The following TENM4 variants were observed in gnomAD, a reference collection of about 807,000 sequenced individuals.
The protein encoded by TENM4 is teneurin-4.
A neutral mutation model predicts 243.3 loss-of-function variants in TENM4; 82 were observed. The observed-to-expected ratio is 0.34, with a 90% CI of 0.28 to 0.40. The LOEUF (loss-of-function observed/expected upper bound fraction) is 0.40, where lower values mean the gene tolerates loss of function less well. TENM4 is among the 10% of genes least tolerant of loss of function. The pLI is 1.00. For missense variants in TENM4, 3,138 were observed against 3,673.3 expected (o/e 0.85, Z 3.77); for synonymous variants, 1,412 against 1,456.3 (o/e 0.97, Z 0.69).
chr11:79,304,396 C>T (rs918119004), intron 1 of TENM4, among the ~76,000 whole-genome samples: 9 of 152,150 alleles, frequency 5.9e-5, no homozygotes, highest in African/African-American at 2.2e-4. Context: ...AGCTGAGTTG[C>T]TTGCATTGCC....
At chr11:79,398,162 T>C (rs1036322554) in intron 1 of TENM4, among the ~76,000 whole-genome samples, 25 of 152,136 alleles carry the variant, frequency 1.6e-4, no homozygotes, top group Admixed American at 3.3e-4. Flanking sequence ...ACACATTCTG[T>C]GCTTTACTTT....
chr11:79,001,582 G>A (rs201876116), intron 6 of TENM4, among the ~76,000 whole-genome samples: 2 of 152,192 alleles, frequency 1.3e-5, no homozygotes, highest in Non-Finnish European at 2.9e-5. Context: ...TTTGGTGCAG[G>A]AACATCTGCA....
intron 2 of TENM4, among the ~76,000 whole-genome samples, chr11:79,230,968 ACCGGACTC>A (rs2135260581): frequency 6.6e-6 from 1 of 152,302 alleles, no homozygotes; most frequent in African/African-American, 2.4e-5. Flanking sequence ...CTGTCAGCCC[ACCGGACTC>A]ACTGGGGTTG....
chr11:79,423,479 C>G (rs1282820088), intron 1 of TENM4, among the ~76,000 whole-genome samples: 1 of 150,702 alleles, frequency 6.6e-6, no homozygotes, highest in Non-Finnish European at 1.5e-5. Context: ...ATGAAATATT[C>G]AACTGCATTT....
chr11:78,717,619 T>C (rs894804543), intron 25 of TENM4, among the ~76,000 whole-genome samples: 3 of 152,246 alleles, frequency 2.0e-5, no homozygotes, highest in African/African-American at 4.8e-5. Flanking sequence ...CCTCTGAGCA[T>C]AGTGCCTGTT....
At chr11:79,291,375 T>C (rs1856354119) in intron 2 of TENM4, among the ~76,000 whole-genome samples, 1 of 152,160 alleles carries the variant, frequency 6.6e-6, no homozygotes, top group African/African-American at 2.4e-5. Context: ...ATTCAAAACA[T>C]TTAATAATTG....
chr11:79,272,850 T>C (rs752567695), intron 2 of TENM4, among the ~76,000 whole-genome samples: 11 of 152,186 alleles, frequency 7.2e-5, no homozygotes, highest in Non-Finnish European at 1.5e-4. Context: ...TTCTTGGACT[T>C]TAACTCCATC....
At chr11:78,794,935 C>T (rs1286500731) in intron 15 of TENM4, among the ~76,000 whole-genome samples, 5 of 152,150 alleles carry the variant, frequency 3.3e-5, no homozygotes, top group Non-Finnish European at 7.3e-5. Context: ...CATGTCAGTA[C>T]TTGAGTAGGA....
At position 79,077,138 on chromosome 11, in the gene TENM4, T is replaced by C. The variant is rs552319993; in HGVS notation, c.-65-7129A>G. On this transcript the variant is annotated intron_variant, in intron 4 of 33. Transcript: ENST00000278550. ...GAGGCGTCATAGGAGACTCCCTTCTTCTCTCCTCCCCGAACTCCCAGTTCC... is the reference window on the plus strand; with the variant it reads ...GAGGCGTCATAGGAGACTCCCTTCTCCTCTCCTCCCCGAACTCCCAGTTCC... Among the ~76,000 whole-genome samples, 4 of 152,310 alleles carry C rather than the reference T, an allele frequency of 2.6e-5. No individual in the cohort carries two copies. In the South Asian group the frequency reaches 8.3e-4, roughly 32 times the overall value.
rs1010219329 is a variant in TENM4, at chr11:78,654,180, G to A, written c.*3878C>T. On this transcript the variant is annotated 3_prime_UTR_variant, in exon 34 of 34. Coordinates refer to ENST00000278550, the MANE Select transcript of TENM4 (RefSeq NM_001098816.3). ...TTCTTTCTGGGATCCCTCAGGAGAT[G>A]TGTCCCCGGGCCAGGTCTGGCTCCT... The A allele has an allele frequency of 6.6e-6, 1 of 152,194 alleles. No individual in the cohort carries two copies. Among genetic ancestry groups the A allele is most frequent in the African/African-American group, 2.4e-5 (1 of 41,436 alleles). The allele number at this position is 152,194 out of a possible 1,614,324, so 9.4% of individuals were successfully genotyped here.
intron 1 of TENM4, among the ~76,000 whole-genome samples, chr11:79,370,220 T>C (rs1857755063): frequency 6.6e-6 from 1 of 152,222 alleles, no homozygotes; most frequent in South Asian, 2.1e-4. Context: ...ACCCTTCACA[T>C]GGGCCCCCTA....
intron 18 of TENM4, among the ~76,000 whole-genome samples, chr11:78,761,673 A>C (rs912580496): frequency 7.2e-6 from 1 of 138,538 alleles, no homozygotes; most frequent in Non-Finnish European, 1.5e-5. Context: ...AGGTCTTTTG[A>C]GGTATAGGCT....
rs773368159 is a variant in TENM4 at position 78,669,585 on chromosome 11, T to C, written c.6760A>G (p.Lys2254Glu). Residue 2254 changes from lysine to glutamate, a missense_variant, in exon 32 of 34, where the codon AAG becomes GAG. Around this residue, in one of 2 missense-constraint regions of TENM4, gnomAD observed 2,467 missense variants for 3,059.1 expected, o/e 0.81. Transcript: ENST00000278550. The surrounding 1 kb of genome is among the most constrained non-coding windows in gnomAD (Gnocchi z 6.4). Reference sequence around the variant, plus strand: ...CTCAGGAAGCCATCCTCATCCATCTTGTATTGCACGTCACCCAGCCGAGTG... The same window carrying C: ...CTCAGGAAGCCATCCTCATCCATCTCGTATTGCACGTCACCCAGCCGAGTG... The part of the protein sequence containing the change: ...RITRLGDVQY[K>E]MDEDGFLRQR... 2 of 1,613,948 alleles carry C rather than the reference T, an allele frequency of 1.2e-6. No homozygotes were observed. Among genetic ancestry groups the C allele is most frequent in the Admixed American group, 1.7e-5 (1 of 60,008 alleles).
intron 1 of TENM4, among the ~76,000 whole-genome samples, chr11:79,354,367 G>T (rs1365765384): frequency 2.0e-5 from 3 of 152,136 alleles, no homozygotes; most frequent in African/African-American, 7.2e-5. Context: ...TTTGGTGAGT[G>T]GCACTCTATT....
chr11:79,021,073 C>T lies in TENM4; in HGVS notation c.493+43665G>A, dbSNP rs183376111. On this transcript the variant is annotated intron_variant, in intron 6 of 33. Transcript: ENST00000278550. ...AGCTCAGAGCCTAGCATACAATAGA[C>T]ACTCAACAAATGTTTGGTGGATTTT... is the stretch of plus-strand genomic sequence containing the variant. Among the ~76,000 whole-genome samples, 307 of 152,316 alleles carry T rather than the reference C, an allele frequency of 2.0e-3. 3 individuals carry two copies. The highest frequency in any genetic ancestry group is 3.5e-3 in the South Asian group (17 of 4,828).
At chr11:79,202,117 G>A (rs1480436328) in intron 3 of TENM4, among the ~76,000 whole-genome samples, 2 of 152,158 alleles carry the variant, frequency 1.3e-5, no homozygotes, top group Non-Finnish European at 2.9e-5. Context: ...TCTGTTTGGG[G>A]CATGATGAGC....
chr11:78,886,389 T>C (rs1202669912), intron 9 of TENM4, among the ~76,000 whole-genome samples: 1 of 152,206 alleles, frequency 6.6e-6, no homozygotes, highest in African/African-American at 2.4e-5. Context: ...CCTGTAATTA[T>C]GGCCAAGCAA....
chr11:78,708,593 T>G, intron 26 of TENM4, 78 bp from the exon 27 acceptor site: 2 of 1,505,154 alleles, frequency 1.3e-6, no homozygotes, highest in Non-Finnish European at 1.8e-6. Flanking sequence ...CCTTGCTAAC[T>G]GACAGAGCAC....
At chr11:79,387,153 G>A (rs1209421485) in intron 1 of TENM4, among the ~76,000 whole-genome samples, 2 of 152,188 alleles carry the variant, frequency 1.3e-5, no homozygotes, top group Non-Finnish European at 2.9e-5. Flanking sequence ...ACAAAAAAGA[G>A]TATATGCTCT....
Sources: allele counts gnomAD v4.1 joint callset (sites outside exome capture counted in the v4.1 genomes callset), GRCh38; gene constraint gnomAD v4.1.1; regional missense constraint gnomAD v4.1.1; non-coding constraint Gnocchi (gnomAD v3.1); transcripts MANE v1.5; gene names NCBI Gene and HGNC (gene_info 2026-07-23, HGNC 2026-07-21).